The following HDAC9 variants were observed in gnomAD, a reference collection of about 807,000 sequenced individuals.
HDAC9 encodes histone deacetylase 9.
A neutral mutation model predicts 139.4 loss-of-function variants in HDAC9; 41 were observed. The observed-to-expected ratio is 0.29, with a 90% CI of 0.23 to 0.38. The LOEUF is 0.38. Ranked by LOEUF, HDAC9 falls within the 10% of genes least tolerant of loss-of-function variation. The probability of loss-of-function intolerance (pLI) is 1.00; values close to 1 mark genes in which losing one functional copy is unlikely to be tolerated. For missense variants in HDAC9, 1,147 were observed against 1,297.0 expected (o/e 0.88, Z 1.78); for synonymous variants, 517 against 476.2 (o/e 1.09, Z -1.12).
chr7:18,667,278 A>T, intron 12 of HDAC9: 1 of 984,760 alleles, frequency 1.0e-6, no homozygotes, highest in Non-Finnish European at 1.2e-6. Flanking sequence ...TTATGGTCCA[A>T]TCAGATACAA....
At chr7:18,559,633 C>T (rs1241695358) in intron 2 of HDAC9, among the ~76,000 whole-genome samples, 1 of 152,108 alleles carries the variant, frequency 6.6e-6, no homozygotes, top group African/African-American at 2.4e-5. Flanking sequence ...GTTTAAGGAG[C>T]TAAGGCCCCT....
intron 25 of HDAC9, among the ~76,000 whole-genome samples, chr7:18,982,164 G>T (rs1195296303): frequency 6.6e-6 from 1 of 152,098 alleles, no homozygotes; most frequent in Non-Finnish European, 1.5e-5. Context: ...AACTTCTACT[G>T]CTGACACTCA....
chr7:18,299,044 A>T (rs867505780), intron 1 of HDAC9, among the ~76,000 whole-genome samples: 10 of 152,152 alleles, frequency 6.6e-5, no homozygotes, highest in African/African-American at 2.4e-4. Context: ...GAATAAAGAT[A>T]TTTATATAAT....
chr7:18,976,019 A>T, intron 25 of HDAC9, 66 bp downstream of exon 25: 1 of 1,519,338 alleles, frequency 6.6e-7, no homozygotes, highest in Admixed American at 1.9e-5. Flanking sequence ...GATATTTGTG[A>T]ATCTTCCTCC....
chr7:18,838,959 A>G (rs903254180), intron 21 of HDAC9, among the ~76,000 whole-genome samples: 57 of 152,148 alleles, frequency 3.7e-4, no homozygotes, highest in African/African-American at 1.4e-3. Flanking sequence ...TAGACAAACC[A>G]AAGATTTCAC....
chr7:18,303,651 G>A lies in HDAC9; in HGVS notation c.-42+13136G>A, dbSNP rs1055890395. 5.3e-5 allele frequency among the ~76,000 whole-genome samples: 8 copies of A among 152,156 alleles called. 1 individual carries two copies. The highest frequency in any genetic ancestry group is 6.3e-3 in the Middle Eastern group (2 of 316). On this transcript the variant is annotated intron_variant, in intron 1 of 3. Transcript: ENST00000413509. ...CATTCCTTCTTTTTCCATGGAAACA[G>A]TGCCTAAGCACGTGGCTGGCCAGCT... is the stretch of plus-strand genomic sequence containing the variant.
chr7:18,836,495 GTA>G (rs1796247253), intron 21 of HDAC9, among the ~76,000 whole-genome samples: 1 of 152,078 alleles, frequency 6.6e-6, no homozygotes, highest in Admixed American at 6.5e-5. Context: ...AATGACTTTT[GTA>G]TAGTTTTCCT....
At chr7:18,727,820 C>G in intron 13 of HDAC9, 63 bp downstream of exon 13, 1 of 1,265,040 alleles carries the variant, frequency 7.9e-7, no homozygotes, top group Non-Finnish European at 1.1e-6. Context: ...GTAGGATTAA[C>G]CGATTTAAAT....
chr7:18,155,815 A>C (rs919035377), intron 1 of HDAC9, among the ~76,000 whole-genome samples: 1 of 152,180 alleles, frequency 6.6e-6, no homozygotes, highest in African/African-American at 2.4e-5. Context: ...ATAACTCCCC[A>C]GAGTCCAGAA....
intron 2 of HDAC9, among the ~76,000 whole-genome samples, chr7:18,280,623 C>T (rs973697934): frequency 3.3e-5 from 5 of 150,842 alleles, no homozygotes; most frequent in South Asian, 4.2e-4. Flanking sequence ...AAATAGCTGG[C>T]GTGTTGGCCT....
chr7:18,471,083 C>T (rs1794687766), intron 1 of HDAC9, among the ~76,000 whole-genome samples: 1 of 151,490 alleles, frequency 6.6e-6, no homozygotes, highest in Non-Finnish European at 1.5e-5. Flanking sequence ...AAATAATTGA[C>T]CGAGAAAATA....
chr7:18,851,002 C>T (rs1184131779), intron 21 of HDAC9, among the ~76,000 whole-genome samples: 4 of 152,166 alleles, frequency 2.6e-5, no homozygotes, highest in Non-Finnish European at 5.9e-5. Flanking sequence ...AGGATTTTGA[C>T]ATGTGAATTT....
chr7:18,901,217 TATATAC>T (rs1563038453), intron 22 of HDAC9, among the ~76,000 whole-genome samples: 2 of 130,178 alleles, frequency 1.5e-5, no homozygotes, highest in African/African-American at 6.3e-5. Flanking sequence ...CATATATATA[TATATAC>T]ACACACACAC....
intron 1 of HDAC9, among the ~76,000 whole-genome samples, chr7:18,473,596 T>C (rs1487933104): frequency 6.6e-6 from 1 of 152,224 alleles, no homozygotes; most frequent in Non-Finnish European, 1.5e-5. Context: ...TAAGAAGAGA[T>C]TATTTTGGAA....
At chr7:18,921,638 A>G (rs112986319) in intron 22 of HDAC9, among the ~76,000 whole-genome samples, 1 of 152,170 alleles carries the variant, frequency 6.6e-6, no homozygotes, top group East Asian at 1.9e-4. Flanking sequence ...TGGGACTGTT[A>G]ACTAGTTCAA....
intron 6 of HDAC9, among the ~76,000 whole-genome samples, chr7:18,621,082 T>C (rs1840082029): frequency 6.6e-6 from 1 of 152,106 alleles, no homozygotes; most frequent in African/African-American, 2.4e-5. Context: ...TAATATATAG[T>C]ATATCCTCAT....
intron 1 of HDAC9, among the ~76,000 whole-genome samples, chr7:18,368,548 T>C (rs1296769816): frequency 7.0e-6 from 1 of 143,126 alleles, no homozygotes; most frequent in Non-Finnish European, 1.5e-5. Context: ...AAACCGTGCT[T>C]TATTTTCTGG....
chr7:18,489,473 C>A (rs898890439), intron 1 of HDAC9, among the ~76,000 whole-genome samples: 1 of 151,980 alleles, frequency 6.6e-6, no homozygotes, highest in African/African-American at 2.4e-5. Flanking sequence ...ATCCTTATAA[C>A]AATCCTGAGA....
At chr7:18,459,509 A>T (rs1296220126) in intron 1 of HDAC9, among the ~76,000 whole-genome samples, 1 of 152,078 alleles carries the variant, frequency 6.6e-6, no homozygotes, top group Non-Finnish European at 1.5e-5. Flanking sequence ...GCAATTTTAT[A>T]ACAGGTAATG....
Sources: allele counts gnomAD v4.1 joint callset (sites outside exome capture counted in the v4.1 genomes callset), GRCh38; gene constraint gnomAD v4.1.1; transcripts MANE v1.5; gene names NCBI Gene and HGNC (gene_info 2026-07-23, HGNC 2026-07-21).